WDPCP: variants seen among roughly 807,000 people sequenced by gnomAD.
WDPCP encodes the protein WD repeat containing planar cell polarity effector.
Under a neutral mutation model 93.1 loss-of-function variants are expected in WDPCP, and 71 were observed. The ratio of observed to expected loss-of-function variants is 0.76; its 90% CI spans 0.63 to 0.93. The LOEUF is 0.93. Among genes scored for constraint, WDPCP ranks in the 40% least tolerant of loss-of-function variants. WDPCP has a pLI of 0.00. For synonymous variants in WDPCP, 315 were observed against 315.0 expected, an observed-to-expected ratio of 1.00 and a Z score of 0.00; for missense variants, 844 against 887.4, an observed-to-expected ratio of 0.95 and a Z score of 0.62.
chr2:63,755,724 G>A (rs1669957933), intron 2 of WDPCP, among the ~76,000 whole-genome samples: 1 of 152,140 alleles, frequency 6.6e-6, no homozygotes, highest in African/African-American at 2.4e-5. Context: ...CTTAACAAAT[G>A]TTTTCAATTT....
rs896018299 is a variant in WDPCP at position 63,706,600 on chromosome 2, C to CTT, written n.309-55764_309-55763dup. The stretch of plus-strand genomic sequence containing the variant: ...GAAATTCTGGGTTGAAAATTCTTTT[C>CTT]TTTTTTTTTTTTTTTTTTTTTTTTT... On this transcript the variant is annotated intron_variant and non_coding_transcript_variant, in intron 2 of 4. Coordinates refer to the WDPCP transcript ENST00000467687. Among the ~76,000 whole-genome samples the CTT allele has an allele frequency of 3.9e-3, 240 of 61,722 alleles. 17 individuals are homozygous for CTT. The highest frequency in any genetic ancestry group is 5.1e-3 in the Non-Finnish European group (150 of 29,236). 40.5% of individuals were successfully genotyped at this position (61,722 alleles called of 152,430 possible). A position where few individuals can be genotyped will look rare whatever the true frequency, so the allele number is the denominator to read the frequency against.
At chr2:63,167,486 T>A (rs1468955431) in intron 15 of WDPCP, among the ~76,000 whole-genome samples, 1 of 152,210 alleles carries the variant, frequency 6.6e-6, no homozygotes, top group Non-Finnish European at 1.5e-5. Flanking sequence ...TATAATTACT[T>A]CTTAGAAATT....
intron 1 of WDPCP, among the ~76,000 whole-genome samples, chr2:63,499,252 G>C (rs1421267921): frequency 6.6e-6 from 1 of 152,146 alleles, no homozygotes; most frequent in Non-Finnish European, 1.5e-5. Context: ...AGATAAAAAG[G>C]AGGGAACAAT....
chr2:63,260,848 C>T (rs1005650630), intron 13 of WDPCP, among the ~76,000 whole-genome samples: 3 of 152,154 alleles, frequency 2.0e-5, no homozygotes, highest in African/African-American at 4.8e-5. Flanking sequence ...AGCACCCGGC[C>T]GGTAAAGACT....
intron 3 of WDPCP, chr2:63,643,877 G>A: frequency 1.9e-6 from 1 of 534,358 alleles, no homozygotes; most frequent in East Asian, 5.0e-5. Flanking sequence ...TTCATCTCCT[G>A]TCAAGGCATA....
intron 2 of WDPCP, among the ~76,000 whole-genome samples, chr2:63,659,390 T>C (rs140861402): frequency 1.3e-5 from 2 of 152,368 alleles, no homozygotes; most frequent in Non-Finnish European, 2.9e-5. Context: ...TGATATTAAG[T>C]TAAGCATCTT....
intron 2 of WDPCP, among the ~76,000 whole-genome samples, chr2:63,783,229 T>C (rs941653210): frequency 1.3e-5 from 2 of 151,398 alleles, no homozygotes; most frequent in African/African-American, 4.9e-5. Flanking sequence ...CTGGACAATA[T>C]GGCAAGACTC....
At chr2:63,723,716 A>G (rs762031582) in intron 2 of WDPCP, among the ~76,000 whole-genome samples, 4 of 152,256 alleles carry the variant, frequency 2.6e-5, no homozygotes, top group Admixed American at 1.3e-4. Context: ...GCTGGTTTGC[A>G]GCACCACTGA....
intron 13 of WDPCP, among the ~76,000 whole-genome samples, chr2:63,300,012 C>A (rs1477024349): frequency 6.6e-6 from 1 of 152,046 alleles, no homozygotes. Flanking sequence ...AACTGGAAAG[C>A]CCTGGGACAA....
chr2:63,260,465 T>C (rs1435643444), intron 13 of WDPCP, among the ~76,000 whole-genome samples: 1 of 152,218 alleles, frequency 6.6e-6, no homozygotes, highest in Non-Finnish European at 1.5e-5. Flanking sequence ...GATAAATCTT[T>C]AAAAGTAAAT....
intron 2 of WDPCP, among the ~76,000 whole-genome samples, chr2:63,769,175 G>A (rs1670189045): frequency 6.6e-6 from 1 of 151,872 alleles, no homozygotes; most frequent in Non-Finnish European, 1.5e-5. Flanking sequence ...ATAGCTCAAG[G>A]TTGTTGGGGA....
chr2:63,191,014 G>A (rs1050065308), intron 14 of WDPCP, among the ~76,000 whole-genome samples: 2 of 152,176 alleles, frequency 1.3e-5, no homozygotes. Flanking sequence ...TTTAGACTGG[G>A]AGTCCATGTG....
chr2:63,556,519 G>A lies in WDPCP; in HGVS notation c.75+31678C>T, dbSNP rs370674354. Among the ~76,000 whole-genome samples the A allele has an allele frequency of 6.6e-5, 10 of 152,156 alleles. No homozygotes were observed. The East Asian group carries it at 1.2e-3, about 18-fold the overall frequency. On this transcript the variant is annotated intron_variant, in intron 1 of 17. Transcript: ENST00000272321. ...CATTGGGTTGGAACATGCTCCTTTA[G>A]CTCAGTGAAATTTGTTATTACCCAC...
intron 3 of WDPCP, among the ~76,000 whole-genome samples, chr2:63,631,394 C>G (rs952123245): frequency 1.1e-4 from 16 of 151,754 alleles, no homozygotes; most frequent in Non-Finnish European, 1.5e-5. Flanking sequence ...ATCTAAGTTT[C>G]CACCTAAGGA....
At chr2:63,594,335 G>A (rs768461935) in intron 3 of WDPCP, 6 of 746,150 alleles carry the variant, frequency 8.0e-6, no homozygotes, top group South Asian at 6.8e-5. Flanking sequence ...TAAATATGCA[G>A]CACATTCATT....
intron 14 of WDPCP, among the ~76,000 whole-genome samples, chr2:63,212,783 A>AGC (rs879440013): frequency 0.2 from 30,234 of 150,470 alleles, 3,802 homozygotes; most frequent in Non-Finnish European, 0.29. Flanking sequence ...ATCTACCACA[A>AGC]AAATGGAAAA....
intron 3 of WDPCP, among the ~76,000 whole-genome samples, chr2:63,612,932 T>C (rs1176677308): frequency 1.4e-5 from 2 of 141,186 alleles, no homozygotes; most frequent in Non-Finnish European, 3.1e-5. Flanking sequence ...TCTTTCTTTC[T>C]TTTTTTTTTT....
intron 6 of WDPCP, among the ~76,000 whole-genome samples, chr2:63,476,008 C>A (rs1206593476): frequency 6.6e-6 from 1 of 152,126 alleles, no homozygotes; most frequent in Non-Finnish European, 1.5e-5. Context: ...CCTCTGGTCA[C>A]TTCACATGTA....
chr2:63,790,351 T>C (rs1359173037), intron 2 of WDPCP, among the ~76,000 whole-genome samples: 1 of 152,206 alleles, frequency 6.6e-6, no homozygotes, highest in East Asian at 1.9e-4. Context: ...GGAGAAAATA[T>C]GAAACTAAGA....
Sources: allele counts gnomAD v4.1 joint callset (sites outside exome capture counted in the v4.1 genomes callset), GRCh38; gene constraint gnomAD v4.1.1; transcripts MANE v1.5; gene names NCBI Gene and HGNC (gene_info 2026-07-23, HGNC 2026-07-21).